Variants in ATRNL1 observed in about 807,000 individuals in gnomAD.
ATRNL1 encodes the protein attractin like 1.
A neutral mutation model predicts 182.7 loss-of-function variants in ATRNL1; 95 were observed. The observed-to-expected ratio is 0.52, with a 90% CI of 0.44 to 0.62. The LOEUF is 0.62. ATRNL1 is among the 20% of genes least tolerant of loss of function. The pLI, the probability that ATRNL1 is intolerant of heterozygous loss-of-function variation, is 0.00. For synonymous variants in ATRNL1, 576 were observed against 568.3 expected (o/e 1.01, Z -0.19); for missense variants, 1,471 against 1,679.5 (o/e 0.88, Z 2.17).
At chr10:115,348,685 G>T (rs1856091209) in intron 19 of ATRNL1, among the ~76,000 whole-genome samples, 2 of 152,066 alleles carry the variant, frequency 1.3e-5, no homozygotes, top group African/African-American at 4.8e-5. Flanking sequence ...ACAATGTTAG[G>T]ACTTGAATTT....
At chr10:115,515,796 A>C (rs1290543830) in intron 24 of ATRNL1, among the ~76,000 whole-genome samples, 1 of 151,840 alleles carries the variant, frequency 6.6e-6, no homozygotes, top group African/African-American at 2.4e-5. Context: ...ATTACTCATG[A>C]AGTTCATGTT....
chr10:115,336,378 G>A (rs1354387326), intron 19 of ATRNL1, among the ~76,000 whole-genome samples: 2 of 152,140 alleles, frequency 1.3e-5, no homozygotes, highest in Non-Finnish European at 2.9e-5. Flanking sequence ...TAGAGTCATA[G>A]TGTTTTTTAA....
intron 26 of ATRNL1, among the ~76,000 whole-genome samples, chr10:115,590,494 A>G (rs10509992): frequency 0.5 from 75,258 of 151,818 alleles, 19,574 homozygotes; most frequent in African/African-American, 0.6. Flanking sequence ...ATACATGAAG[A>G]AAATATACTA....
At chr10:115,128,525 G>A in intron 4 of ATRNL1, 1 of 494,444 alleles carries the variant, frequency 2.0e-6, no homozygotes, top group Non-Finnish European at 2.6e-6. Flanking sequence ...ATGCAAGGGA[G>A]AACAAATATA....
At chr10:115,495,197 T>A (rs1018201377) in intron 24 of ATRNL1, among the ~76,000 whole-genome samples, 2 of 152,168 alleles carry the variant, frequency 1.3e-5, no homozygotes, top group African/African-American at 2.4e-5. Context: ...TCATTTATGA[T>A]TGTATTTATT....
At chr10:115,316,522 A>T (rs1854309972) in intron 18 of ATRNL1, among the ~76,000 whole-genome samples, 1 of 151,164 alleles carries the variant, frequency 6.6e-6, no homozygotes, top group East Asian at 2.0e-4. Context: ...TAGATCCTTG[A>T]GGAATCACAG....
chr10:115,258,012 T>C lies in ATRNL1; in HGVS notation c.1688-7181T>C, dbSNP rs1430517244. On this transcript the variant is annotated intron_variant, in intron 10 of 28. Transcript: ENST00000355044. ...TGATGGGCTTCCCTTTGTGGGTAAC[T>C]TGACCTTTCTCTCTGGCTGTCCTTA... is the stretch of plus-strand genomic sequence containing the variant. Among the ~76,000 whole-genome samples the C allele has an allele frequency of 2.0e-5, 3 of 152,298 alleles. No homozygotes were observed. In the South Asian group the frequency reaches 6.2e-4, roughly 32 times the overall value.
chr10:115,766,442 G>T (rs1232943453), intron 27 of ATRNL1, among the ~76,000 whole-genome samples: 3 of 152,224 alleles, frequency 2.0e-5, no homozygotes, highest in Non-Finnish European at 2.9e-5. Flanking sequence ...TGATTGTTAT[G>T]CAACCTTTGA....
intron 24 of ATRNL1, 54 bp from the exon 25 acceptor site, chr10:115,519,209 C>G (rs559135770): frequency 7.1e-7 from 1 of 1,405,528 alleles, no homozygotes; most frequent in African/African-American, 1.4e-5. Context: ...TGAAATATCA[C>G]CACAGGTTTT....
At chr10:115,492,644 A>AT (rs10677710) in intron 24 of ATRNL1, among the ~76,000 whole-genome samples, 24,198 of 121,598 alleles carry the variant, frequency 0.2, 3,105 homozygotes, top group East Asian at 0.31. Context: ...TACTAAAGTG[A>AT]TTTTTTTTTT....
At chr10:115,404,113 C>A (rs782730399) in intron 20 of ATRNL1, among the ~76,000 whole-genome samples, 7 of 152,138 alleles carry the variant, frequency 4.6e-5, no homozygotes, top group African/African-American at 1.4e-4. Flanking sequence ...TGTTTGAGTT[C>A]TTTTGGAGTA....
chr10:115,221,779 C>T (rs1554897508), intron 9 of ATRNL1, among the ~76,000 whole-genome samples: 1 of 152,154 alleles, frequency 6.6e-6, no homozygotes, highest in African/African-American at 2.4e-5. Context: ...CTAAACCCTA[C>T]TCGTGATAAT....
chr10:115,533,355 A>G (rs1362615850), intron 25 of ATRNL1, among the ~76,000 whole-genome samples: 1 of 152,034 alleles, frequency 6.6e-6, no homozygotes, highest in East Asian at 1.9e-4. Flanking sequence ...CGAGGAATTT[A>G]TCCATTTCTT....
chr10:115,728,657 T>C lies in ATRNL1; in HGVS notation c.3903+1302T>C, dbSNP rs1269169980. Among the ~76,000 whole-genome samples, 59 of 152,106 alleles carry C rather than the reference T, an allele frequency of 3.9e-4. 1 individual carries two copies. The highest frequency in any genetic ancestry group is 3.9e-3 in the Admixed American group (59 of 15,274). The stretch of plus-strand genomic sequence containing the variant: ...TGAAAAAATAAGACAAAATCACAAC[T>C]CATGGATGCTACTCAAAGGGTCAGT... On this transcript the variant is annotated intron_variant, in intron 27 of 28. Coordinates refer to ENST00000355044, the MANE Select transcript of ATRNL1 (RefSeq NM_207303.4).
chr10:115,215,839 G>T lies in ATRNL1; in HGVS notation c.1491G>T (p.Leu497Phe). Residue 497 changes from leucine (L) to phenylalanine (F), a missense_variant, in exon 9 of 29, where the codon TTG becomes TTT. Physicochemically the swap from Leu to Phe is conservative, Grantham distance 22 (BLOSUM62 0). This residue lies in a region of ATRNL1 where 1,031 missense variants were observed against 1,156.0 expected (regional missense o/e 0.89). Coordinates refer to ENST00000355044, the MANE Select transcript of ATRNL1 (RefSeq NM_207303.4). The part of the protein sequence containing the change: ...YKALPGNKYG[L>F]VDDLYKYEVN... ...CATTGCCAGGGAACAAATATGGATT[G>T]GTTGATGATCTTTATAAATATGAAG... The T allele has an allele frequency of 6.3e-7, 1 of 1,590,836 alleles. No homozygotes were observed. The highest frequency in any genetic ancestry group is 8.5e-7 in the Non-Finnish European group (1 of 1,172,180).
chr10:115,295,493 G>C (rs567644877), intron 15 of ATRNL1, among the ~76,000 whole-genome samples: 1 of 152,308 alleles, frequency 6.6e-6, no homozygotes, highest in Non-Finnish European at 1.5e-5. Flanking sequence ...CTGTGGAACT[G>C]TTTCTAGGCC....
intron 21 of ATRNL1, among the ~76,000 whole-genome samples, chr10:115,429,748 A>G (rs1020616618): frequency 3.9e-5 from 6 of 152,144 alleles, no homozygotes; most frequent in African/African-American, 1.2e-4. Context: ...TTTTCTGACT[A>G]AATGACCTAT....
intron 26 of ATRNL1, among the ~76,000 whole-genome samples, chr10:115,669,063 T>C (rs1945609856): frequency 6.6e-6 from 1 of 152,142 alleles, no homozygotes; most frequent in African/African-American, 2.4e-5. Context: ...TCCAAATGAT[T>C]ATATGTAAAT....
chr10:115,783,239 CA>C (rs1659652047), intron 27 of ATRNL1, among the ~76,000 whole-genome samples: 1 of 151,850 alleles, frequency 6.6e-6, no homozygotes, highest in East Asian at 1.9e-4. Context: ...CACACACACA[CA>C]CACACACACA....
Sources: allele counts gnomAD v4.1 joint callset (sites outside exome capture counted in the v4.1 genomes callset), GRCh38; gene constraint gnomAD v4.1.1; regional missense constraint gnomAD v4.1.1; transcripts MANE v1.5; gene names NCBI Gene and HGNC (gene_info 2026-07-23, HGNC 2026-07-21).